Variants in PDE4D observed in about 807,000 individuals in gnomAD.
The protein encoded by PDE4D is 3',5'-cyclic-AMP phosphodiesterase 4D.
A neutral mutation model predicts 87.4 loss-of-function variants in PDE4D; 24 were observed. The ratio of observed to expected loss-of-function variants is 0.27; its 90% CI spans 0.20 to 0.39. The LOEUF is 0.39. PDE4D is among the 10% of genes least tolerant of loss of function. The probability of loss-of-function intolerance (pLI) is 1.00; values close to 1 mark genes in which losing one functional copy is unlikely to be tolerated. For missense variants in PDE4D, 714 were observed against 1,041.0 expected, an observed-to-expected ratio of 0.69 and a Z score of 4.32; for synonymous variants, 384 against 383.2, an observed-to-expected ratio of 1.00 and a Z score of -0.02.
At chr5:59,041,735 C>T (rs1373991551) in intron 5 of PDE4D, among the ~76,000 whole-genome samples, 1 of 152,192 alleles carries the variant, frequency 6.6e-6, no homozygotes, top group Middle Eastern at 3.2e-3. Context: ...AGTAAACTGC[C>T]CCCTTCCTCC....
intron 2 of PDE4D, among the ~76,000 whole-genome samples, chr5:60,112,856 C>G (rs1381349546): frequency 6.6e-6 from 1 of 151,992 alleles, no homozygotes; most frequent in South Asian, 2.1e-4. Context: ...AAGAAGGTAA[C>G]TTTATTTTTG....
intron 2 of PDE4D, among the ~76,000 whole-genome samples, chr5:60,111,618 A>G (rs1777692889): frequency 6.6e-6 from 1 of 151,990 alleles, no homozygotes; most frequent in Non-Finnish European, 1.5e-5. Context: ...AATTAGCATA[A>G]GAATTAAAAT....
rs571133148 is a variant in PDE4D at position 59,028,675 on chromosome 5, G to C, written c.921+10184C>G. On this transcript the variant is annotated intron_variant, in intron 6 of 14. Coordinates refer to ENST00000340635, the MANE Select transcript of PDE4D (RefSeq NM_001104631.2). ...AAATCCACGGACCATTCTGCCTAAG[G>C]AATGAATATTTTATGAATTGGAATA... Among the ~76,000 whole-genome samples, 16 of 152,026 alleles carry C rather than the reference G, an allele frequency of 1.1e-4. No homozygotes were observed. In the South Asian group the frequency reaches 2.3e-3, roughly 22 times the overall value.
At chr5:60,255,661 T>C (rs1001315315) in intron 1 of PDE4D, among the ~76,000 whole-genome samples, 3 of 151,780 alleles carry the variant, frequency 2.0e-5, no homozygotes, top group African/African-American at 7.3e-5. Flanking sequence ...TTAATTACTC[T>C]CTATCAACAT....
intron 1 of PDE4D, among the ~76,000 whole-genome samples, chr5:59,781,799 A>T (rs971652643): frequency 0.013 from 1,942 of 150,488 alleles, 80 homozygotes; most frequent in African/African-American, 0.045. Context: ...AAAAAAAAAA[A>T]AAAAAAAAAA....
At position 59,959,624 on chromosome 5, in the gene PDE4D, T is replaced by C. The variant is rs114276201; in HGVS notation, c.272+28864A>G. Among the ~76,000 whole-genome samples the C allele has an allele frequency of 9.6e-4, 146 of 152,262 alleles. 1 individual carries two copies. Among genetic ancestry groups the C allele is most frequent in the African/African-American group, 3.4e-3 (143 of 41,558 alleles). ...AAGCAGGGGGGAAGGGACTCCTTAT[T>C]CAATAAACAGTGCTGAGAAAACTGG... On this transcript the variant is annotated intron_variant, in intron 3 of 16. Coordinates refer to the PDE4D transcript ENST00000502484.
intron 2 of PDE4D, among the ~76,000 whole-genome samples, chr5:60,048,832 CAATT>C (rs1006594507): frequency 1.3e-4 from 20 of 152,218 alleles, no homozygotes; most frequent in African/African-American, 4.8e-4. Context: ...GTGAATCTGA[CAATT>C]ATGTGTCTTG....
intron 6 of PDE4D, among the ~76,000 whole-genome samples, chr5:58,997,395 A>G (rs1404853170): frequency 6.6e-6 from 1 of 152,148 alleles, no homozygotes; most frequent in Non-Finnish European, 1.5e-5. Context: ...TATAATATTT[A>G]CTAAGATAAC....
chr5:60,342,112 G>A (rs1267805234), intron 1 of PDE4D, among the ~76,000 whole-genome samples: 2 of 152,192 alleles, frequency 1.3e-5, no homozygotes, highest in African/African-American at 4.8e-5. Context: ...CTGTGATCAT[G>A]GAAGACAGAG....
At chr5:60,211,455 G>A (rs1191480492) in intron 1 of PDE4D, among the ~76,000 whole-genome samples, 1 of 150,238 alleles carries the variant, frequency 6.7e-6, no homozygotes, top group African/African-American at 2.4e-5. Flanking sequence ...AGAATCTTGG[G>A]GGGGTGGGGT....
intron 1 of PDE4D, among the ~76,000 whole-genome samples, chr5:60,198,040 A>AT (rs5868224): frequency 0.49 from 71,008 of 144,424 alleles, 18,192 homozygotes; most frequent in Admixed American, 0.54. Flanking sequence ...AAGAATTTGG[A>AT]TTTTTTTTTT....
intron 1 of PDE4D, among the ~76,000 whole-genome samples, chr5:60,512,769 C>A (rs1188115707): frequency 6.6e-6 from 1 of 152,150 alleles, no homozygotes; most frequent in East Asian, 1.9e-4. Flanking sequence ...CAAGGAAGCA[C>A]TGCAGGTACT....
intron 1 of PDE4D, among the ~76,000 whole-genome samples, chr5:59,567,193 A>G (rs1352163004): frequency 6.6e-6 from 1 of 152,224 alleles, no homozygotes; most frequent in Non-Finnish European, 1.5e-5. Flanking sequence ...GCCACGTCAA[A>G]AAAAGTTGCT....
intron 1 of PDE4D, among the ~76,000 whole-genome samples, chr5:60,377,108 T>G (rs1761488469): frequency 6.6e-6 from 1 of 152,232 alleles, no homozygotes; most frequent in Non-Finnish European, 1.5e-5. Context: ...AACCAAATAT[T>G]GTCCATGTGC....
chr5:59,858,097 T>C (rs564156622), intron 1 of PDE4D, among the ~76,000 whole-genome samples: 1 of 152,208 alleles, frequency 6.6e-6, no homozygotes, highest in East Asian at 1.9e-4. Context: ...GGACTCTTTC[T>C]ATGCAAAGAC....
intron 1 of PDE4D, among the ~76,000 whole-genome samples, chr5:59,362,930 G>T (rs1377209489): frequency 6.6e-6 from 1 of 152,082 alleles, no homozygotes; most frequent in Non-Finnish European, 1.5e-5. Context: ...GCTAAATCTG[G>T]TTATCCATTT....
At chr5:60,350,648 A>T (rs79908934) in intron 1 of PDE4D, among the ~76,000 whole-genome samples, 6,451 of 152,262 alleles carry the variant, frequency 0.042, 172 homozygotes, top group East Asian at 0.12. Context: ...GATGTTGTCA[A>T]CACGCAGGAT....
At position 60,467,759 on chromosome 5, in the gene PDE4D, T is replaced by A. The variant is rs150866131; in HGVS notation, c.-90+20183A>T. 1.2e-3 allele frequency among the ~76,000 whole-genome samples: 179 copies of A among 152,232 alleles called. 2 individuals are homozygous for A. The East Asian group carries it at 0.026, about 22-fold the overall frequency. On this transcript the variant is annotated intron_variant, in intron 1 of 16. Coordinates refer to the PDE4D transcript ENST00000502484. ...TGACTTGGGGGTCTCAGGAAACTTA[T>A]GATTGTGATGGAAGGTGAAGGGGAA...
At chr5:59,984,592 C>A (rs928365208) in intron 3 of PDE4D, among the ~76,000 whole-genome samples, 1 of 152,156 alleles carries the variant, frequency 6.6e-6, no homozygotes, top group African/African-American at 2.4e-5. Flanking sequence ...GAAAAAAAGT[C>A]AAAGTAGAAA....
Sources: gnomAD v4.1 joint callset for allele counts (sites outside exome capture counted in the v4.1 genomes callset) on GRCh38, gnomAD v4.1.1 for gene constraint, MANE v1.5 for transcripts, NCBI Gene and HGNC (gene_info 2026-07-23, HGNC 2026-07-21) for gene names.